FABP12: variants seen among roughly 807,000 people sequenced by gnomAD.
The protein encoded by FABP12 is fatty acid binding protein 12, also known as fatty acid-binding protein 12.
Under a neutral mutation model 13.7 loss-of-function variants are expected in FABP12, and 19 were observed. The observed-to-expected ratio is 1.39, with a 90% CI of 0.97 to 2.04. The LOEUF is 2.04. Among genes scored for constraint, FABP12 ranks in the 30% most tolerant of loss-of-function variants. The pLI is 0.00. For missense variants in FABP12, 182 were observed against 164.2 expected (o/e 1.11, Z -0.59); for synonymous variants, 61 against 57.0 (o/e 1.07, Z -0.32).
chr8:81,551,517 CTT>C (rs938053163), intron 1 of FABP12, among the ~76,000 whole-genome samples: 1 of 152,078 alleles, frequency 6.6e-6, no homozygotes, highest in Non-Finnish European at 1.5e-5. Flanking sequence ...TATAAAAAGA[CTT>C]AAGGCAGGGA....
chr8:81,529,486 C>T, exon 3 of FABP12: 1 of 1,613,964 alleles, frequency 6.2e-7, no homozygotes, highest in Non-Finnish European at 8.5e-7. Context: ...CTTCTCCCAG[C>T]TTAAAGGAGA....
chr8:81,540,986 T>C (rs970382058), intron 1 of FABP12, among the ~76,000 whole-genome samples: 10 of 151,848 alleles, frequency 6.6e-5, no homozygotes, highest in African/African-American at 2.4e-4. Context: ...GCCAAGATAG[T>C]GAAACCTCAT....
chr8:81,532,704 C>T (rs1221398781), intron 1 of FABP12, among the ~76,000 whole-genome samples: 1 of 152,204 alleles, frequency 6.6e-6, no homozygotes, highest in African/African-American at 2.4e-5. Flanking sequence ...ACCTGTAGTC[C>T]CAGCTACTCG....
chr8:81,587,651 G>T (rs1810262534), intron 1 of FABP12, among the ~76,000 whole-genome samples: 1 of 151,998 alleles, frequency 6.6e-6, no homozygotes, highest in Admixed American at 6.6e-5. Flanking sequence ...CATTATTGAT[G>T]TATAGAAATG....
intron 1 of FABP12, among the ~76,000 whole-genome samples, chr8:81,540,952 G>T (rs1343707219): frequency 3.9e-5 from 6 of 152,036 alleles, no homozygotes; most frequent in Non-Finnish European, 8.8e-5. Flanking sequence ...TGGATCACGA[G>T]GTCAGGAGTT....
At chr8:81,587,589 C>T (rs114754520) in intron 1 of FABP12, among the ~76,000 whole-genome samples, 3,088 of 152,020 alleles carry the variant, frequency 0.02, 67 homozygotes, top group African/African-American at 0.057. Flanking sequence ...TTTCTATACA[C>T]GAGTAATGCC....
chr8:81,527,901 A>G (rs1171754868), intron 3 of FABP12, among the ~76,000 whole-genome samples: 2 of 151,862 alleles, frequency 1.3e-5, no homozygotes, highest in East Asian at 1.9e-4. Context: ...TGAGGCTACA[A>G]TGAGCCAAGA....
chr8:81,556,423 G>A (rs1039903544), intron 1 of FABP12, among the ~76,000 whole-genome samples: 5 of 152,100 alleles, frequency 3.3e-5, no homozygotes, highest in African/African-American at 9.7e-5. Context: ...TTACCATGGT[G>A]GCTTTTTCAT....
rs1399979520 is a variant in FABP12 at position 81,578,933 on chromosome 8, A to G, written c.-185+11120T>C. On this transcript the variant is annotated intron_variant, in intron 1 of 5. Coordinates refer to the FABP12 transcript ENST00000692030. ...TCTGCCTCCCTCCCGGGTTCACGCC[A>G]TTCTCCTGCCTCAGCCTCCGGAGTA... Among the ~76,000 whole-genome samples the G allele has an allele frequency of 5.0e-5, 7 of 140,814 alleles. No individual in the cohort carries two copies. The East Asian group carries it at 1.5e-3, about 30-fold the overall frequency. The allele number at this position is 140,814 out of a possible 152,430, so 92.4% of individuals were successfully genotyped here.
chr8:81,531,632 G>A (rs1310587722), intron 1 of FABP12, among the ~76,000 whole-genome samples: 1 of 152,176 alleles, frequency 6.6e-6, no homozygotes, highest in Non-Finnish European at 1.5e-5. Flanking sequence ...GGACCTGCCA[G>A]GCACAAAGCA....
chr8:81,567,789 A>G (rs560832800), intron 1 of FABP12, among the ~76,000 whole-genome samples: 1 of 152,358 alleles, frequency 6.6e-6, no homozygotes, highest in East Asian at 1.9e-4. Flanking sequence ...GACAGGCAAT[A>G]AAAGCAGAAG....
intron 1 of FABP12, among the ~76,000 whole-genome samples, chr8:81,561,540 T>C (rs192822617): frequency 5.4e-4 from 82 of 152,274 alleles, no homozygotes; most frequent in African/African-American, 1.9e-3. Context: ...TCACAGTATC[T>C]GGTTTTAACT....
chr8:81,548,464 T>C (rs1809473998), intron 1 of FABP12, among the ~76,000 whole-genome samples: 1 of 152,216 alleles, frequency 6.6e-6, no homozygotes, highest in South Asian at 2.1e-4. Context: ...TACTTTTGGA[T>C]TGGGATGAGA....
At chr8:81,581,875 C>A (rs1810169122) in intron 1 of FABP12, among the ~76,000 whole-genome samples, 1 of 151,946 alleles carries the variant, frequency 6.6e-6, no homozygotes, top group African/African-American at 2.4e-5. Context: ...CATGAAAACA[C>A]ACAAAAACAT....
intron 1 of FABP12, among the ~76,000 whole-genome samples, chr8:81,567,938 G>C (rs1809858285): frequency 6.6e-6 from 1 of 151,904 alleles, no homozygotes; most frequent in Admixed American, 6.5e-5. Context: ...TGGCGAACAA[G>C]GTGAAACCCC....
chr8:81,525,912 T>C (rs1808888643), intron 4 of FABP12: 1 of 152,204 alleles, frequency 6.6e-6, no homozygotes, highest in Non-Finnish European at 1.5e-5. Flanking sequence ...TTCTACATCT[T>C]GAAGGCAAGG....
chr8:81,527,725 C>T (rs1466781527), intron 3 of FABP12, among the ~76,000 whole-genome samples: 2 of 152,140 alleles, frequency 1.3e-5, no homozygotes, highest in Non-Finnish European at 2.9e-5. Flanking sequence ...TAAAGAATTA[C>T]AAATACATTT....
At chr8:81,574,254 TTTATTG>T (rs1446779261) in intron 1 of FABP12, among the ~76,000 whole-genome samples, 2 of 152,190 alleles carry the variant, frequency 1.3e-5, no homozygotes, top group African/African-American at 4.8e-5. Flanking sequence ...GTGTATCACA[TTTATTG>T]ACTTGCATAT....
At chr8:81,577,710 G>A (rs1456212401) in intron 1 of FABP12, among the ~76,000 whole-genome samples, 4 of 152,158 alleles carry the variant, frequency 2.6e-5, no homozygotes, top group Non-Finnish European at 4.4e-5. Context: ...GCAGTGAGCC[G>A]AGATTCCGCC....
Sources: gnomAD v4.1 joint callset for allele counts (sites outside exome capture counted in the v4.1 genomes callset) on GRCh38, gnomAD v4.1.1 for gene constraint, MANE v1.5 for transcripts, NCBI Gene and HGNC (gene_info 2026-07-23, HGNC 2026-07-21) for gene names.